The following ROBO2 variants were observed in gnomAD, a reference collection of about 807,000 sequenced individuals.
ROBO2 encodes the protein roundabout guidance receptor 2.
A neutral mutation model predicts 160.8 loss-of-function variants in ROBO2; 53 were observed. The observed-to-expected ratio is 0.33, with a 90% confidence interval of 0.26 to 0.41. ROBO2 has a LOEUF of 0.41. ROBO2 is among the 10% of genes least tolerant of loss of function. The pLI is 1.00. For synonymous variants in ROBO2, 664 were observed against 611.7 expected, an observed-to-expected ratio of 1.09 and a Z score of -1.26; for missense variants, 1,577 against 1,722.4, an observed-to-expected ratio of 0.92 and a Z score of 1.49.
chr3:76,172,229 A>T (rs1047553235), intron 2 of ROBO2, among the ~76,000 whole-genome samples: 5 of 149,324 alleles, frequency 3.3e-5, no homozygotes, highest in African/African-American at 7.4e-5. Context: ...ATAGGTGGGA[A>T]TTGAACAATG....
intron 2 of ROBO2, among the ~76,000 whole-genome samples, chr3:76,000,495 T>A (rs989989155): frequency 7.4e-5 from 11 of 149,552 alleles, no homozygotes; most frequent in Admixed American, 1.3e-4. Flanking sequence ...GCTTATTTTT[T>A]TTTTTTTTTT....
chr3:77,236,266 G>C (rs2087960854), intron 2 of ROBO2, among the ~76,000 whole-genome samples: 1 of 152,196 alleles, frequency 6.6e-6, no homozygotes, highest in Non-Finnish European at 1.5e-5. Context: ...AGAAATGCCT[G>C]GGTTACCATG....
At chr3:76,517,763 G>T (rs1167768881) in intron 2 of ROBO2, among the ~76,000 whole-genome samples, 1 of 152,080 alleles carries the variant, frequency 6.6e-6, no homozygotes. Context: ...AGCCTGGTTG[G>T]ACTATATACT....
At chr3:76,446,202 C>T (rs186969425) in intron 2 of ROBO2, among the ~76,000 whole-genome samples, 222 of 152,260 alleles carry the variant, frequency 1.5e-3, no homozygotes, top group Non-Finnish European at 2.5e-3. Context: ...TCTCAGGATA[C>T]AAAATCAATG....
Position 77,030,226 on chromosome 3 carries a change from A to G in ROBO2, c.110-67788A>G, listed in dbSNP as rs144141448. On this transcript the variant is annotated intron_variant, in intron 2 of 26. Coordinates refer to the ROBO2 transcript ENST00000487694. ...CCCAGAGTGCTGGGATTACAGGCGT[A>G]AGCCACCGCGCCTGGCAAAAGTACC... Among the ~76,000 whole-genome samples, 1,094 of 152,280 alleles carry G rather than the reference A, an allele frequency of 7.2e-3. 10 individuals carry two copies. The highest frequency in any genetic ancestry group is 0.012 in the Non-Finnish European group (808 of 68,024).
At chr3:77,493,249 C>G (rs1189342898) in exon 5 of ROBO2, 3 of 1,612,912 alleles carry the variant, frequency 1.9e-6, no homozygotes. Flanking sequence ...TCAAGAACGA[C>G]CCACATTTCT....
At chr3:77,339,175 T>A (rs2066797311) in intron 2 of ROBO2, among the ~76,000 whole-genome samples, 1 of 152,106 alleles carries the variant, frequency 6.6e-6, no homozygotes, top group South Asian at 2.1e-4. Flanking sequence ...GATAAAAAAA[T>A]TAACACTCTT....
At chr3:77,490,694 A>T (rs1027331539) in intron 4 of ROBO2, among the ~76,000 whole-genome samples, 4 of 152,090 alleles carry the variant, frequency 2.6e-5, no homozygotes, top group African/African-American at 9.7e-5. Flanking sequence ...ACAAACTCAC[A>T]CACACATGCC....
At chr3:76,818,307 A>G (rs2065858738) in intron 2 of ROBO2, among the ~76,000 whole-genome samples, 2 of 151,666 alleles carry the variant, frequency 1.3e-5, no homozygotes, top group Non-Finnish European at 2.9e-5. Flanking sequence ...AGAATTGTCT[A>G]TTCCTGTCCT....
At chr3:76,327,952 A>C (rs1033187803) in intron 2 of ROBO2, among the ~76,000 whole-genome samples, 1 of 152,152 alleles carries the variant, frequency 6.6e-6, no homozygotes, top group African/African-American at 2.4e-5. Context: ...GAAAAGAGGT[A>C]GTCTGAGGCA....
rs1174640579 is a variant in ROBO2 at position 76,024,383 on chromosome 3, TA to T, written c.109+86786del. ...TGTTTTAGAACTTATTTTTTTTTTT[TA>T]AAAACCTTGAGTCGAGTTTTCTTTG... is the stretch of plus-strand genomic sequence containing the variant. On this transcript the variant is annotated intron_variant, in intron 2 of 26. Transcript: ENST00000487694. 8.6e-4 allele frequency among the ~76,000 whole-genome samples: 109 copies of T among 126,996 alleles called. 1 individual carries two copies. In the East Asian group the frequency reaches 0.016, roughly 19 times the overall value. 83.3% of individuals were successfully genotyped at this position (126,996 alleles called of 152,430 possible).
At chr3:76,029,288 AGT>A (rs1168375854) in intron 2 of ROBO2, among the ~76,000 whole-genome samples, 1 of 152,060 alleles carries the variant, frequency 6.6e-6, no homozygotes, top group Admixed American at 6.6e-5. Context: ...GTGTTTAATA[AGT>A]GTTCAGAAAA....
At chr3:77,262,112 C>A (rs953531889) in intron 2 of ROBO2, among the ~76,000 whole-genome samples, 1 of 152,120 alleles carries the variant, frequency 6.6e-6, no homozygotes, top group Non-Finnish European at 1.5e-5. Flanking sequence ...AAATACTTCA[C>A]AAAACTATTA....
intron 5 of ROBO2, among the ~76,000 whole-genome samples, chr3:77,508,512 C>T (rs1312278638): frequency 6.7e-6 from 1 of 150,104 alleles, no homozygotes; most frequent in East Asian, 1.9e-4. Flanking sequence ...TTTAGGAGTT[C>T]TCAATTTAGT....
intron 2 of ROBO2, among the ~76,000 whole-genome samples, chr3:76,119,064 A>G (rs1397524306): frequency 6.6e-6 from 1 of 152,198 alleles, no homozygotes; most frequent in Admixed American, 6.5e-5. Flanking sequence ...GACATAGCAG[A>G]TACAGAGAAA....
intron 2 of ROBO2, among the ~76,000 whole-genome samples, chr3:76,688,791 G>A (rs911498116): frequency 1.3e-5 from 2 of 152,126 alleles, no homozygotes; most frequent in African/African-American, 4.8e-5. Context: ...TACCCAATTT[G>A]TAATTGTAAC....
intron 2 of ROBO2, among the ~76,000 whole-genome samples, chr3:76,308,836 G>C (rs374056551): frequency 2.6e-5 from 4 of 152,220 alleles, no homozygotes; most frequent in South Asian, 4.1e-4. Flanking sequence ...GTGTCTACTA[G>C]GGATTATTGA....
At chr3:76,549,528 T>C (rs1222750497) in intron 2 of ROBO2, among the ~76,000 whole-genome samples, 1 of 152,192 alleles carries the variant, frequency 6.6e-6, no homozygotes, top group Non-Finnish European at 1.5e-5. Context: ...TACTTAGTGA[T>C]TGTAATCAAG....
intron 2 of ROBO2, among the ~76,000 whole-genome samples, chr3:77,442,055 A>G (rs60088123): frequency 0.027 from 4,072 of 152,228 alleles, 188 homozygotes; most frequent in African/African-American, 0.092. Flanking sequence ...GCTCACGCCT[A>G]TAATCCCAGC....
Sources: gnomAD v4.1 joint callset for allele counts (sites outside exome capture counted in the v4.1 genomes callset) on GRCh38, gnomAD v4.1.1 for gene constraint, MANE v1.5 for transcripts, NCBI Gene and HGNC (gene_info 2026-07-23, HGNC 2026-07-21) for gene names.